Variants in RBPJ observed in about 807,000 individuals in gnomAD.
The protein encoded by RBPJ is recombining binding protein suppressor of hairless.
A neutral mutation model predicts 67.8 loss-of-function variants in RBPJ; 9 were observed. The ratio of observed to expected loss-of-function variants is 0.13; its 90% CI spans 0.08 to 0.23. The LOEUF is 0.23. Ranked by LOEUF, RBPJ falls within the 10% of genes least tolerant of loss-of-function variation. RBPJ has a pLI of 1.00. For synonymous variants in RBPJ, 198 were observed against 203.3 expected (o/e 0.97, Z 0.22); for missense variants, 305 against 595.6 (o/e 0.51, Z 5.08).
At chr4:26,207,936 ACTTTCCAGTTTGCCAAGAG>A (rs1718227116) in intron 1 of RBPJ, among the ~76,000 whole-genome samples, 1 of 152,122 alleles carries the variant, frequency 6.6e-6, no homozygotes, top group Admixed American at 6.6e-5. Flanking sequence ...CCTGTATAGA[ACTTTCCAGTTTGCCAAGAG>A]CTTTCCACAG....
chr4:26,205,280 G>A (rs1718130763), intron 1 of RBPJ, among the ~76,000 whole-genome samples: 1 of 152,242 alleles, frequency 6.6e-6, no homozygotes, highest in Non-Finnish European at 1.5e-5. Flanking sequence ...CCAGCTGCCA[G>A]TGTGGAGTAT....
chr4:26,191,481 G>C (rs1446514635), intron 1 of RBPJ, among the ~76,000 whole-genome samples: 1 of 151,854 alleles, frequency 6.6e-6, no homozygotes, highest in Non-Finnish European at 1.5e-5. Flanking sequence ...GACTCACCAG[G>C]AGGACTCATG....
chr4:26,321,172 CGCGTGCGCCGAGCGCGGCGGCGGCG>C, intron 1 of RBPJ, 124 bp downstream of exon 1: 1 of 373,188 alleles, frequency 2.7e-6, no homozygotes, highest in Non-Finnish European at 4.1e-6. Context: ...GGGGCGGCGT[CGCGTGCGCCGAGCGCGGCGGCGGCG>C]GCGTGTGGCC....
chr4:26,341,123 A>G (rs1725480402), intron 1 of RBPJ, among the ~76,000 whole-genome samples: 1 of 152,208 alleles, frequency 6.6e-6, no homozygotes, highest in Non-Finnish European at 1.5e-5. Context: ...GTGGCAACGT[A>G]ATGCTAAAAC....
chr4:26,219,454 G>A (rs894393531), intron 1 of RBPJ, among the ~76,000 whole-genome samples: 8 of 152,186 alleles, frequency 5.3e-5, no homozygotes, highest in Non-Finnish European at 1.0e-4. Context: ...AGGCACTGGG[G>A]TAGAGGGATA....
intron 1 of RBPJ, among the ~76,000 whole-genome samples, chr4:26,173,721 C>A (rs1030769371): frequency 6.6e-6 from 1 of 152,124 alleles, no homozygotes; most frequent in African/African-American, 2.4e-5. Context: ...TGGGGAAATG[C>A]GTGCTGAGTT....
intron 1 of RBPJ, among the ~76,000 whole-genome samples, chr4:26,181,758 A>G (rs945591386): frequency 2.0e-5 from 3 of 152,236 alleles, no homozygotes; most frequent in Non-Finnish European, 4.4e-5. Flanking sequence ...GTATCTAAAC[A>G]TAGAAAAAGT....
At chr4:26,237,063 C>T (rs1319813079) in intron 1 of RBPJ, among the ~76,000 whole-genome samples, 1 of 152,098 alleles carries the variant, frequency 6.6e-6, no homozygotes, top group African/African-American at 2.4e-5. Context: ...TTCAATGAAC[C>T]CATGAAGCAA....
intron 2 of RBPJ, among the ~76,000 whole-genome samples, chr4:26,391,733 G>C (rs1182503853): frequency 6.6e-6 from 1 of 152,176 alleles, no homozygotes; most frequent in Admixed American, 6.5e-5. Flanking sequence ...GGTGGAAATG[G>C]TCTGAACAGA....
At chr4:26,315,167 A>AAAAAT (rs1325689348), upstream of RBPJ, among the ~76,000 whole-genome samples, 635 of 74,500 alleles carry the variant, frequency 8.5e-3, 12 homozygotes, top group Non-Finnish European at 0.012. Context: ...AAAAAAAAAA[A>AAAAAT]ATATATATAT....
At chr4:26,244,607 AT>A (rs1440858310) in intron 1 of RBPJ, among the ~76,000 whole-genome samples, 2 of 152,042 alleles carry the variant, frequency 1.3e-5, no homozygotes, top group Non-Finnish European at 2.9e-5. Context: ...GTAAAACAAT[AT>A]TTTTAGTGTT....
At chr4:26,145,965 TCTCA>T in the RBPJ span, among the ~76,000 whole-genome samples, 2 of 152,154 alleles carry the variant, frequency 1.3e-5, no homozygotes, top group African/African-American at 4.8e-5. Context: ...AGAGACAGGA[TCTCA>T]CTCTGCCACC....
At chr4:26,279,454 T>TC (rs1721187597) in intron 1 of RBPJ, among the ~76,000 whole-genome samples, 2 of 150,828 alleles carry the variant, frequency 1.3e-5, no homozygotes, top group African/African-American at 4.8e-5. Context: ...CTAATTTTTG[T>TC]ATTTTTAGAG....
At chr4:26,190,616 A>T (rs1717446239) in intron 1 of RBPJ, among the ~76,000 whole-genome samples, 1 of 152,164 alleles carries the variant, frequency 6.6e-6, no homozygotes, top group Admixed American at 6.5e-5. Flanking sequence ...GGGCCTCAAA[A>T]CTATCCTTAC....
chr4:26,409,495 T>G (rs571482416), intron 3 of RBPJ, among the ~76,000 whole-genome samples: 2 of 152,276 alleles, frequency 1.3e-5, no homozygotes, highest in South Asian at 4.1e-4. Context: ...TTGTAGTAGC[T>G]TTTATTTTTC....
chr4:26,210,369 T>C (rs568910080), intron 1 of RBPJ, among the ~76,000 whole-genome samples: 2 of 152,292 alleles, frequency 1.3e-5, no homozygotes, highest in South Asian at 4.1e-4. Context: ...GAGGTTGAAG[T>C]CTATCCACAT....
intron 1 of RBPJ, among the ~76,000 whole-genome samples, chr4:26,285,565 G>A (rs1721436062): frequency 6.6e-6 from 1 of 150,564 alleles, no homozygotes. Flanking sequence ...AATAGAATGT[G>A]AGAGAAGGGA....
Position 26,293,495 on chromosome 4 carries a change from G to A in RBPJ, c.-166-68951G>A, listed in dbSNP as rs1004548651. On this transcript the variant is annotated intron_variant, in intron 1 of 4. Coordinates refer to the RBPJ transcript ENST00000512351. ...CAAAAAATTTTTTTTAATTAGCCAA[G>A]TCTGGTGGCACATGCCTAAAGTCTC... 1.0e-4 allele frequency among the ~76,000 whole-genome samples: 15 copies of A among 149,860 alleles called. 1 individual carries two copies. The highest frequency in any genetic ancestry group is 3.7e-4 in the African/African-American group (15 of 40,668).
intron 3 of RBPJ, among the ~76,000 whole-genome samples, 154 bp downstream of exon 3, chr4:26,406,424 A>G (rs1733417588): frequency 6.6e-6 from 1 of 152,208 alleles, no homozygotes; most frequent in Admixed American, 6.5e-5. Flanking sequence ...AAGGGGAGAA[A>G]CAAAGTGAAT....
Sources: gnomAD v4.1 joint callset for allele counts (sites outside exome capture counted in the v4.1 genomes callset) on GRCh38, gnomAD v4.1.1 for gene constraint, MANE v1.5 for transcripts, NCBI Gene and HGNC (gene_info 2026-07-23, HGNC 2026-07-21) for gene names.